Variants in SORCS1 observed in about 807,000 individuals in gnomAD.
The protein encoded by SORCS1 is sortilin related VPS10 domain containing receptor 1, also known as VPS10 domain-containing receptor SorCS1.
SORCS1 carries 60 observed loss-of-function variants against 146.1 expected under a neutral mutation model. The ratio of observed to expected loss-of-function variants is 0.41; its 90% confidence interval spans 0.33 to 0.51. SORCS1 has a LOEUF of 0.51. Among genes scored for constraint, SORCS1 ranks in the 20% least tolerant of loss-of-function variants. The pLI, the probability that SORCS1 is intolerant of heterozygous loss-of-function variation, is 0.21. For missense variants in SORCS1, 1,352 were observed against 1,487.6 expected, an observed-to-expected ratio of 0.91 and a Z score of 1.50; for synonymous variants, 637 against 584.0, an observed-to-expected ratio of 1.09 and a Z score of -1.31.
chr10:107,151,826 A>G (rs2134827031), intron 1 of SORCS1, among the ~76,000 whole-genome samples: 1 of 152,306 alleles, frequency 6.6e-6, no homozygotes, highest in Non-Finnish European at 1.5e-5. Flanking sequence ...CAAAGCATTC[A>G]AGAGGGAGCA....
At chr10:106,843,680 C>G (rs981807353) in intron 2 of SORCS1, among the ~76,000 whole-genome samples, 1 of 152,116 alleles carries the variant, frequency 6.6e-6, no homozygotes, top group Admixed American at 6.6e-5. Context: ...CGTGATCTGC[C>G]CACCTTGGCC....
intron 2 of SORCS1, among the ~76,000 whole-genome samples, chr10:106,944,874 CTTTTTTTTTTTTTTT>C (rs765355110): frequency 5.5e-5 from 2 of 36,576 alleles, no homozygotes; most frequent in East Asian, 1.0e-3. Flanking sequence ...AAAGAGCCTT[CTTTTTTTTTTTTTTT>C]TTTTTTTTTT....
chr10:107,035,442 C>T (rs1339063116), intron 1 of SORCS1, among the ~76,000 whole-genome samples: 1 of 152,084 alleles, frequency 6.6e-6, no homozygotes, highest in Non-Finnish European at 1.5e-5. Flanking sequence ...TAGTGCCCTA[C>T]CATTCAAGCA....
At chr10:107,100,191 G>A (rs1964817943) in intron 1 of SORCS1, among the ~76,000 whole-genome samples, 1 of 152,010 alleles carries the variant, frequency 6.6e-6, no homozygotes, top group Non-Finnish European at 1.5e-5. Flanking sequence ...TTTCAAACAT[G>A]AGAGCACATT....
intron 2 of SORCS1, among the ~76,000 whole-genome samples, chr10:106,946,831 T>A (rs76274024): frequency 0.021 from 3,243 of 152,316 alleles, 86 homozygotes; most frequent in South Asian, 0.11. Flanking sequence ...CTTATATGCT[T>A]ATTCCCACTG....
intron 24 of SORCS1, among the ~76,000 whole-genome samples, chr10:106,585,238 A>AT (rs2133229186): frequency 6.6e-6 from 1 of 151,708 alleles, no homozygotes; most frequent in East Asian, 1.9e-4. Context: ...AAAAAAAAAA[A>AT]TGTATAGTCT....
intron 18 of SORCS1, among the ~76,000 whole-genome samples, chr10:106,647,308 G>T (rs904123956): frequency 6.0e-5 from 9 of 150,852 alleles, no homozygotes; most frequent in African/African-American, 2.2e-4. Context: ...AATTTGTGTT[G>T]TTTTCTGGGT....
At chr10:106,917,612 T>C (rs1050038061) in intron 2 of SORCS1, among the ~76,000 whole-genome samples, 3 of 152,184 alleles carry the variant, frequency 2.0e-5, no homozygotes, top group Non-Finnish European at 1.5e-5. Flanking sequence ...TAGATGCCAG[T>C]AGCATCTTCC....
At chr10:106,621,797 ATCTC>A (rs1185308741) in intron 19 of SORCS1, among the ~76,000 whole-genome samples, 1 of 151,806 alleles carries the variant, frequency 6.6e-6, no homozygotes. Context: ...GGTTTCATAA[ATCTC>A]TCTAAGATAT....
intron 2 of SORCS1, among the ~76,000 whole-genome samples, chr10:106,909,558 G>A (rs970124614): frequency 1.3e-5 from 2 of 152,142 alleles, no homozygotes; most frequent in African/African-American, 4.8e-5. Flanking sequence ...AACAGCATAT[G>A]GGCATGCCTT....
intron 1 of SORCS1, among the ~76,000 whole-genome samples, chr10:107,094,921 G>A (rs1964445318): frequency 6.6e-6 from 1 of 152,196 alleles, no homozygotes. Flanking sequence ...CAGGTTTGAT[G>A]ATCTGTCGGC....
chr10:107,142,547 C>A (rs1749583518), intron 1 of SORCS1, among the ~76,000 whole-genome samples: 1 of 152,218 alleles, frequency 6.6e-6, no homozygotes, highest in Non-Finnish European at 1.5e-5. Flanking sequence ...ACATCACACT[C>A]AGAAGATTTA....
At chr10:106,678,531 T>C (rs1852204248) in intron 12 of SORCS1, among the ~76,000 whole-genome samples, 1 of 152,208 alleles carries the variant, frequency 6.6e-6, no homozygotes, top group Admixed American at 6.5e-5. Context: ...TTTACAGTGC[T>C]AGTTATTGTA....
At chr10:107,113,055 G>A (rs948986221) in intron 1 of SORCS1, among the ~76,000 whole-genome samples, 28 of 152,064 alleles carry the variant, frequency 1.8e-4, no homozygotes, top group Admixed American at 1.4e-3. Context: ...ACAACTACAC[G>A]TTCTTCTCAA....
chr10:106,579,026 G>C (rs543988187), intron 25 of SORCS1: 1 of 1,589,530 alleles, frequency 6.3e-7, no homozygotes. Flanking sequence ...CCAGAAAGGG[G>C]TTAGAGAGAG....
rs1564838013 is a variant in SORCS1, at chr10:106,944,871, C to CTTTTTTTTT, written c.626+11641_626+11642insAAAAAAAAA. On this transcript the variant is annotated intron_variant, in intron 2 of 25. Transcript: ENST00000263054. ...ATGGTAGAAAGAAGCAAGAAAGAGCCTTCTTTTTTTTTTTTTTTTTTTTTT... is the reference window on the plus strand; with the variant it reads ...ATGGTAGAAAGAAGCAAGAAAGAGCCTTTTTTTTTTTCTTTTTTTTTTTTTTTTTTTTTT... Among the ~76,000 whole-genome samples, 82 of 61,020 alleles carry CTTTTTTTTT rather than the reference C, an allele frequency of 1.3e-3. 9 individuals carry two copies. Among genetic ancestry groups the CTTTTTTTTT allele is most frequent in the African/African-American group, 3.4e-3 (76 of 22,390 alleles). 40.0% of individuals were successfully genotyped at this position (61,020 alleles called of 152,430 possible).
At chr10:106,780,477 C>G (rs1475143807) in intron 3 of SORCS1, among the ~76,000 whole-genome samples, 3 of 152,174 alleles carry the variant, frequency 2.0e-5, no homozygotes, top group Admixed American at 6.5e-5. Context: ...AGTAAGCTCT[C>G]CAAAAAGAGA....
intron 1 of SORCS1, among the ~76,000 whole-genome samples, chr10:106,982,955 G>A (rs1956297096): frequency 6.6e-6 from 1 of 151,716 alleles, no homozygotes; most frequent in Non-Finnish European, 1.5e-5. Flanking sequence ...TATATCACAA[G>A]TGCCTAGCTT....
At chr10:106,924,249 C>A (rs1317614708) in intron 2 of SORCS1, among the ~76,000 whole-genome samples, 1 of 111,344 alleles carries the variant, frequency 9.0e-6, no homozygotes, top group African/African-American at 2.9e-5. Context: ...AGCAAAACTC[C>A]ATCTCAAAAA....
Sources: allele counts gnomAD v4.1 joint callset (sites outside exome capture counted in the v4.1 genomes callset), GRCh38; gene constraint gnomAD v4.1.1; transcripts MANE v1.5; gene names NCBI Gene and HGNC (gene_info 2026-07-23, HGNC 2026-07-21).